Variants in CNTN3 observed in about 807,000 individuals in gnomAD.
CNTN3 encodes contactin 3.
CNTN3 carries 60 observed loss-of-function variants against 119.1 expected under a neutral mutation model. That is an observed-to-expected ratio of 0.50 (90% CI 0.41 to 0.62). The LOEUF (loss-of-function observed/expected upper bound fraction) is 0.62, where lower values mean the gene tolerates loss of function less well. Ranked by LOEUF, CNTN3 falls within the 20% of genes least tolerant of loss-of-function variation. The probability of loss-of-function intolerance (pLI) is 0.00; values close to 1 mark genes in which losing one functional copy is unlikely to be tolerated. For missense variants in CNTN3, 1,101 were observed against 1,242.4 expected (o/e 0.89, Z 1.71); for synonymous variants, 450 against 438.7 (o/e 1.03, Z -0.32).
intron 5 of CNTN3, among the ~76,000 whole-genome samples, chr3:74,372,711 A>G (rs957187781): frequency 2.0e-5 from 3 of 152,166 alleles, no homozygotes; most frequent in African/African-American, 7.2e-5. Context: ...AGGGAACAGT[A>G]AATCAATATG....
chr3:74,336,376 C>T (rs1434508539), intron 12 of CNTN3, among the ~76,000 whole-genome samples, 155 bp downstream of exon 12: 1 of 152,028 alleles, frequency 6.6e-6, no homozygotes, highest in East Asian at 1.9e-4. Flanking sequence ...AAATATTGTT[C>T]CCTTGACTTT....
chr3:74,313,828 A>G (rs1702760921), intron 13 of CNTN3, among the ~76,000 whole-genome samples: 2 of 152,150 alleles, frequency 1.3e-5, no homozygotes, highest in Non-Finnish European at 2.9e-5. Flanking sequence ...CAGACCCTCA[A>G]TCTCTCCTGG....
intron 1 of CNTN3, among the ~76,000 whole-genome samples, chr3:74,576,147 T>C (rs1575840672): frequency 6.6e-6 from 1 of 152,184 alleles, no homozygotes; most frequent in Admixed American, 6.5e-5. Flanking sequence ...TCCTTGTCTC[T>C]TTCCTCTCTT....
At chr3:74,299,773 C>T in intron 17 of CNTN3, 95 bp downstream of exon 17, 1 of 952,054 alleles carries the variant, frequency 1.1e-6, no homozygotes, top group Non-Finnish European at 1.6e-6. Context: ...AGCACTACCA[C>T]CACCACCTGC....
chr3:74,500,183 T>C (rs1703141953), intron 2 of CNTN3, among the ~76,000 whole-genome samples: 1 of 152,082 alleles, frequency 6.6e-6, no homozygotes, highest in Non-Finnish European at 1.5e-5. Context: ...TAAAATCGGC[T>C]TGGCATGCAA....
At chr3:74,475,362 C>T (rs1178092124) in intron 4 of CNTN3, among the ~76,000 whole-genome samples, 1 of 152,146 alleles carries the variant, frequency 6.6e-6, no homozygotes, top group Non-Finnish European at 1.5e-5. Flanking sequence ...CTACAGCTTA[C>T]ACCGTGGTTG....
intron 5 of CNTN3, among the ~76,000 whole-genome samples, chr3:74,419,271 G>A (rs572126904): frequency 1.3e-5 from 2 of 152,162 alleles, no homozygotes; most frequent in South Asian, 2.1e-4. Context: ...CTGCCTTGAC[G>A]GAGACTCTAG....
chr3:74,411,930 T>C (rs1246717595), intron 5 of CNTN3, among the ~76,000 whole-genome samples: 1 of 152,130 alleles, frequency 6.6e-6, no homozygotes, highest in Admixed American at 6.6e-5. Context: ...CACCTAATAC[T>C]TTCAGATATA....
At chr3:74,332,505 T>C (rs1703288495) in intron 13 of CNTN3, among the ~76,000 whole-genome samples, 3 of 152,240 alleles carry the variant, frequency 2.0e-5, no homozygotes, top group Admixed American at 2.0e-4. Context: ...CTTTAGAACC[T>C]ATCAGTGCTA....
At chr3:74,334,437 G>A (rs780817601) in intron 13 of CNTN3, among the ~76,000 whole-genome samples, 4 of 152,018 alleles carry the variant, frequency 2.6e-5, no homozygotes, top group Non-Finnish European at 4.4e-5. Context: ...ACAAACACCC[G>A]TAAAAGAAAA....
chr3:74,319,701 A>G (rs2106667199), intron 13 of CNTN3, among the ~76,000 whole-genome samples: 1 of 152,154 alleles, frequency 6.6e-6, no homozygotes, highest in Non-Finnish European at 1.5e-5. Flanking sequence ...CTGCACAGCA[A>G]AAGAAACTAC....
At chr3:74,434,456 T>A (rs2106915698) in intron 4 of CNTN3, among the ~76,000 whole-genome samples, 1 of 152,318 alleles carries the variant, frequency 6.6e-6, no homozygotes, top group Non-Finnish European at 1.5e-5. Flanking sequence ...CATCTTCCAA[T>A]GATCTCATGC....
intron 1 of CNTN3, among the ~76,000 whole-genome samples, chr3:74,597,863 A>C (rs1479416849): frequency 6.6e-6 from 1 of 152,066 alleles, no homozygotes; most frequent in African/African-American, 2.4e-5. Flanking sequence ...GAGCTGAAAA[A>C]ATTTCTTCAA....
At chr3:74,385,067 T>C (rs545744220) in intron 5 of CNTN3, among the ~76,000 whole-genome samples, 66 of 152,326 alleles carry the variant, frequency 4.3e-4, no homozygotes, top group Admixed American at 1.2e-3. Context: ...CTATATTTTA[T>C]TTCTGTCACT....
chr3:74,289,587 A>G (rs894849176), intron 19 of CNTN3, among the ~76,000 whole-genome samples: 1 of 152,162 alleles, frequency 6.6e-6, no homozygotes, highest in Admixed American at 6.5e-5. Flanking sequence ...CCCAAAGCCC[A>G]ATATTCAAAA....
intron 5 of CNTN3, among the ~76,000 whole-genome samples, chr3:74,383,763 G>GT (rs1704681376): frequency 6.6e-6 from 1 of 152,160 alleles, no homozygotes; most frequent in Non-Finnish European, 1.5e-5. Flanking sequence ...GGGATTATAG[G>GT]TATGAGCCAC....
Position 74,361,964 on chromosome 3 carries a change from A to G in CNTN3, c.1290T>C (p.Asp430=). 3 of 1,613,860 alleles carry G rather than the reference A, an allele frequency of 1.9e-6. No homozygotes were observed. Among genetic ancestry groups the G allele is most frequent in the Non-Finnish European group, 2.5e-6 (3 of 1,179,834 alleles). ...CCCTTGGGGAGGCTCTGGGTTTACA[A>G]TCCAAGCTGACCAGGCTGCCCACCT... is the stretch of plus-strand genomic sequence containing the variant. ...QVQVGSLVSL[D]CKPRASPRAL... The change falls in exon 11 of 23, where the codon GAT becomes GAC. Residue 430 remains aspartate, a synonymous_variant. Coordinates refer to ENST00000263665, the MANE Select transcript of CNTN3 (RefSeq NM_020872.3).
chr3:74,511,962 G>A (rs1341876847), intron 2 of CNTN3, among the ~76,000 whole-genome samples: 1 of 151,972 alleles, frequency 6.6e-6, no homozygotes, highest in Non-Finnish European at 1.5e-5. Flanking sequence ...CAATAAACAT[G>A]ATTTTTTTTC....
intron 18 of CNTN3, among the ~76,000 whole-genome samples, chr3:74,296,719 G>A (rs78808037): frequency 0.036 from 5,411 of 152,216 alleles, 279 homozygotes; most frequent in African/African-American, 0.11. Flanking sequence ...TTACTATTAG[G>A]AATTTTGGCA....
Sources: gnomAD v4.1 joint callset for allele counts (sites outside exome capture counted in the v4.1 genomes callset) on GRCh38, gnomAD v4.1.1 for gene constraint, MANE v1.5 for transcripts, NCBI Gene and HGNC (gene_info 2026-07-23, HGNC 2026-07-21) for gene names.